LYPD2: variants seen among roughly 807,000 people sequenced by gnomAD.
LYPD2 encodes the protein ly6/PLAUR domain-containing protein 2.
A neutral mutation model predicts 7.1 loss-of-function variants in LYPD2; 5 were observed. That is an observed-to-expected ratio of 0.70 (90% confidence interval 0.37 to 1.48). The LOEUF is 1.48. LYPD2 is among the 40% of genes most tolerant of loss of function. The pLI, the probability that LYPD2 is intolerant of heterozygous loss-of-function variation, is 0.03. For missense variants in LYPD2, 177 were observed against 171.0 expected (o/e 1.04, Z -0.20); for synonymous variants, 78 against 82.0 (o/e 0.95, Z 0.26).
Position 142,752,524 on chromosome 8 carries a change from C to T in LYPD2, c.-73G>A, listed in dbSNP as rs587680842. Reference sequence around the variant, plus strand: ...GGACAGCAGACACCAAGTGAGGTGGCGACAGACTGGTCTGCTGAGCGGATT... The same window carrying T: ...GGACAGCAGACACCAAGTGAGGTGGTGACAGACTGGTCTGCTGAGCGGATT... On this transcript the variant is annotated 5_prime_UTR_variant, in exon 1 of 3. Coordinates refer to ENST00000359228, the MANE Select transcript of LYPD2 (RefSeq NM_205545.3). The T allele has an allele frequency of 1.6e-4, 256 of 1,563,574 alleles. 1 individual carries two copies. In the Admixed American group the frequency reaches 4.0e-3, roughly 24 times the overall value.
At chr8:142,751,028 G>T in intron 2 of LYPD2, 23 bp downstream of exon 2, 4 of 1,613,872 alleles carry the variant, frequency 2.5e-6, no homozygotes, top group Non-Finnish European at 3.4e-6. Flanking sequence ...ACCCGGCCCT[G>T]CCCGCCTTCT....
chr8:142,752,457 C>T lies in LYPD2; in HGVS notation c.-6G>A, dbSNP rs764782625. 74 of 1,613,118 alleles carry T rather than the reference C, an allele frequency of 4.6e-5. No homozygotes were observed. The South Asian group carries it at 6.9e-4, about 15-fold the overall frequency. On this transcript the variant is annotated 5_prime_UTR_variant, in exon 1 of 3. Coordinates refer to ENST00000359228, the MANE Select transcript of LYPD2 (RefSeq NM_205545.3). Reference sequence around the variant, plus strand: ...GCCAGCCGCGTCCCCCGCATGGTCCCGGCCCACTCCTCTGTGCTCTCACCC... The same window carrying T: ...GCCAGCCGCGTCCCCCGCATGGTCCTGGCCCACTCCTCTGTGCTCTCACCC...
At position 142,752,524 on chromosome 8, in the gene LYPD2, C is replaced by G. The variant is rs587680842; in HGVS notation, c.-73G>C. The G allele has an allele frequency of 2.6e-5, 40 of 1,563,454 alleles. No individual in the cohort carries two copies. Among genetic ancestry groups the G allele is most frequent in the Non-Finnish European group, 6.1e-6 (7 of 1,142,512 alleles). On this transcript the variant is annotated 5_prime_UTR_variant, in exon 1 of 3. Coordinates refer to ENST00000359228, the MANE Select transcript of LYPD2 (RefSeq NM_205545.3). ...GGACAGCAGACACCAAGTGAGGTGG[C>G]GACAGACTGGTCTGCTGAGCGGATT...
chr8:142,750,220 G>T lies in LYPD2; in HGVS notation c.*63C>A. The T allele has an allele frequency of 1.4e-6, 2 of 1,417,176 alleles. No individual in the cohort carries two copies. The highest frequency in any genetic ancestry group is 9.7e-7 in the Non-Finnish European group (1 of 1,035,142). The allele number at this position is 1,417,176 out of a possible 1,614,324, so 87.8% of individuals were successfully genotyped here. A position where few individuals can be genotyped will look rare whatever the true frequency, so the allele number is the denominator to read the frequency against. Reference sequence around the variant, plus strand: ...AAGGAGACTCAGGAGTCCTGGTGCAGGGGGCACTTCTTCAAGGCATTCGGG... The same window carrying T: ...AAGGAGACTCAGGAGTCCTGGTGCATGGGGCACTTCTTCAAGGCATTCGGG... On this transcript the variant is annotated 3_prime_UTR_variant, in exon 3 of 3. Transcript: ENST00000359228.
chr8:142,750,577 G>A, intron 2 of LYPD2, 95 bp from the exon 3 acceptor site: 3 of 1,254,228 alleles, frequency 2.4e-6, no homozygotes, highest in Non-Finnish European at 3.4e-6. Flanking sequence ...CCACTCTGGG[G>A]TCACCCACCC....
chr8:142,752,323 C>G, intron 1 of LYPD2, 71 bp downstream of exon 1: 1 of 1,589,340 alleles, frequency 6.3e-7, no homozygotes, highest in Non-Finnish European at 8.6e-7. Flanking sequence ...GGCGCCCTCC[C>G]GGGAACAGTG....
Position 142,750,836 on chromosome 8 carries a change from C to T in LYPD2, c.178+215G>A, listed in dbSNP as rs149602596. Reference sequence around the variant, plus strand: ...GGGGAGGGCAGAGGGAGGCCTAGCTCGGGCAGAAAGCCATTTCTGGAGATG... The same window carrying T: ...GGGGAGGGCAGAGGGAGGCCTAGCTTGGGCAGAAAGCCATTTCTGGAGATG... On this transcript the variant is annotated intron_variant, in intron 2 of 2. Transcript: ENST00000359228. Among the ~76,000 whole-genome samples the T allele has an allele frequency of 6.2e-3, 940 of 152,338 alleles. 7 individuals carry two copies. The highest frequency in any genetic ancestry group is 7.1e-3 in the Non-Finnish European group (481 of 68,026).
rs1376605391 is a variant in LYPD2 at position 142,750,404 on chromosome 8, C to A, written c.257G>T (p.Gly86Val). 1 of 1,582,346 alleles carries A rather than the reference C, an allele frequency of 6.3e-7. No individual in the cohort carries two copies. Among genetic ancestry groups the A allele is most frequent in the Non-Finnish European group, 8.6e-7 (1 of 1,164,206 alleles). Reference protein sequence around the residue: ...KCKPSDVDGIGQTLPVSCCNT... With the variant: ...KCKPSDVDGIVQTLPVSCCNT... ...GCAGCAGGACACGGGCAGGGTCTGG[C>A]CGATGCCATCCACATCCGAGGGCTT... is the stretch of plus-strand genomic sequence containing the variant. Residue 86 changes from glycine (G) to valine (V), a missense_variant, in exon 3 of 3, where the codon GGC (glycine) becomes GTC (valine). Coordinates refer to ENST00000359228, the MANE Select transcript of LYPD2 (RefSeq NM_205545.3).
intron 1 of LYPD2, among the ~76,000 whole-genome samples, chr8:142,751,619 G>T (rs1814716582): frequency 6.6e-6 from 1 of 152,208 alleles, no homozygotes; most frequent in Non-Finnish European, 1.5e-5. Context: ...GGAATGCAGG[G>T]TGTGCCAGGC....
At chr8:142,751,735 C>T (rs1016606351) in intron 1 of LYPD2, among the ~76,000 whole-genome samples, 4 of 152,118 alleles carry the variant, frequency 2.6e-5, no homozygotes, top group East Asian at 3.9e-4. Context: ...CCGGTGACCC[C>T]GGCCCCAACC....
rs150264603 is a variant in LYPD2, at chr8:142,750,346, G to C, written c.315C>G (p.Pro105=). Residue 105 remains proline (P), a synonymous_variant, in exon 3 of 3, where the codon CCC becomes CCG. Coordinates refer to ENST00000359228, the MANE Select transcript of LYPD2 (RefSeq NM_205545.3). ...NTELCNVDGA[P]ALNSLHCGAL... Reference sequence around the variant, plus strand: ...CCCCGCAGTGGAGGCTGTTCAGAGCGGGCGCCCCGTCTACATTGCACAGCT... The same window carrying C: ...CCCCGCAGTGGAGGCTGTTCAGAGCCGGCGCCCCGTCTACATTGCACAGCT... 1 of 1,558,160 alleles carries C rather than the reference G, an allele frequency of 6.4e-7. No individual in the cohort carries two copies. The highest frequency in any genetic ancestry group is 2.4e-5 in the East Asian group (1 of 41,410).
chr8:142,750,562 A>G (rs1814681979), intron 2 of LYPD2, 80 bp from the exon 3 acceptor site: 2 of 1,405,836 alleles, frequency 1.4e-6, no homozygotes. Flanking sequence ...CACCTCATGC[A>G]GGCCCCACTC....
rs749357200 is a variant in LYPD2 at position 142,752,503 on chromosome 8, A to G, written c.-52T>C. Reference sequence around the variant, plus strand: ...CACCCCAGGCTTGCCTGGCGGGGACAGCAGACACCAAGTGAGGTGGCGACA... The same window carrying G: ...CACCCCAGGCTTGCCTGGCGGGGACGGCAGACACCAAGTGAGGTGGCGACA... On this transcript the variant is annotated 5_prime_UTR_variant, in exon 1 of 3. Transcript: ENST00000359228. 3.5e-5 allele frequency: 56 copies of G among 1,602,400 alleles called. 1 individual carries two copies. The highest frequency in any genetic ancestry group is 1.7e-4 in the Middle Eastern group (1 of 6,036).
chr8:142,750,607 C>T, intron 2 of LYPD2, 125 bp from the exon 3 acceptor site: 1 of 896,720 alleles, frequency 1.1e-6, no homozygotes, highest in Non-Finnish European at 1.7e-6. Context: ...TCCCTCCTGG[C>T]CCAGTGCCCT....
At chr8:142,750,569 A>G in intron 2 of LYPD2, 87 bp from the exon 3 acceptor site, 1 of 1,338,722 alleles carries the variant, frequency 7.5e-7, no homozygotes, top group Non-Finnish European at 1.0e-6. Flanking sequence ...TGCAGGCCCC[A>G]CTCTGGGGTC....
chr8:142,752,527 C>A lies in LYPD2; in HGVS notation c.-76G>T. On this transcript the variant is annotated 5_prime_UTR_variant, in exon 1 of 3. Transcript: ENST00000359228. ...CAGCAGACACCAAGTGAGGTGGCGA[C>A]AGACTGGTCTGCTGAGCGGATTAGT... 6.4e-7 allele frequency: 1 copy of A among 1,558,024 alleles called. No homozygotes were observed. Among genetic ancestry groups the A allele is most frequent in the Non-Finnish European group, 8.8e-7 (1 of 1,138,018 alleles).
At chr8:142,750,708 C>G (rs899628214) in intron 2 of LYPD2, among the ~76,000 whole-genome samples, 10 of 152,274 alleles carry the variant, frequency 6.6e-5, no homozygotes, top group Non-Finnish European at 1.2e-4. Context: ...CCCGAGGTGA[C>G]TGTTGAAACC....
intron 1 of LYPD2, 38 bp downstream of exon 1, chr8:142,752,356 C>G (rs1814727650): frequency 6.2e-7 from 1 of 1,612,004 alleles, no homozygotes; most frequent in Non-Finnish European, 8.5e-7. Flanking sequence ...GGTGGCATCT[C>G]CCTCCGTCCC....
chr8:142,751,359 T>G (rs587738670), intron 1 of LYPD2, among the ~76,000 whole-genome samples, 189 bp from the exon 2 acceptor site: 1 of 152,276 alleles, frequency 6.6e-6, no homozygotes, highest in African/African-American at 2.4e-5. Flanking sequence ...CTCGGAACCT[T>G]GCATCCCAGA....
Sources: allele counts gnomAD v4.1 joint callset (sites outside exome capture counted in the v4.1 genomes callset), GRCh38; gene constraint gnomAD v4.1.1; transcripts MANE v1.5; gene names NCBI Gene and HGNC (gene_info 2026-07-23, HGNC 2026-07-21).